The following PLXNA4 variants were observed in gnomAD, a reference collection of about 807,000 sequenced individuals.
The protein encoded by PLXNA4 is plexin-A4.
A neutral mutation model predicts 191.8 loss-of-function variants in PLXNA4; 44 were observed. That is an observed-to-expected ratio of 0.23 (90% CI 0.18 to 0.29). The LOEUF is 0.29. Among genes scored for constraint, PLXNA4 ranks in the 10% least tolerant of loss-of-function variants. The pLI is 1.00. For missense variants in PLXNA4, 1,800 were observed against 2,488.8 expected (o/e 0.72, Z 5.89); for synonymous variants, 1,082 against 1,009.5 (o/e 1.07, Z -1.36).
At position 132,317,540 on chromosome 7, in the gene PLXNA4, G is replaced by T. The variant is rs184069740; in HGVS notation, c.1372-19318C>A. On this transcript the variant is annotated intron_variant, in intron 3 of 31. Coordinates refer to ENST00000321063, the MANE Select transcript of PLXNA4 (RefSeq NM_020911.2). ...GAATTGGATTGGGTTGCATTGGATG[G>T]GGTTGGATTGGGTTGTGTTATGTTG... Among the ~76,000 whole-genome samples the T allele has an allele frequency of 1.8e-3, 281 of 152,158 alleles. 4 individuals carry two copies. The highest frequency in any genetic ancestry group is 6.7e-3 in the African/African-American group (277 of 41,502).
intron 3 of PLXNA4, among the ~76,000 whole-genome samples, chr7:132,326,958 G>A (rs1315897319): frequency 7.1e-6 from 1 of 141,050 alleles, no homozygotes; most frequent in African/African-American, 2.6e-5. Flanking sequence ...AGGGAAGAAG[G>A]AAAGGAGAAA....
intron 30 of PLXNA4, among the ~76,000 whole-genome samples, chr7:132,134,148 C>T (rs1355467022): frequency 6.6e-6 from 1 of 152,174 alleles, no homozygotes; most frequent in African/African-American, 2.4e-5. Flanking sequence ...TAAGAAAAGG[C>T]ACTCACTCTT....
chr7:132,452,741 G>A (rs1159408343), intron 3 of PLXNA4, among the ~76,000 whole-genome samples: 1 of 152,172 alleles, frequency 6.6e-6, no homozygotes, highest in African/African-American at 2.4e-5. Flanking sequence ...GATGGGGTTG[G>A]ACATGAGCAT....
intron 3 of PLXNA4, among the ~76,000 whole-genome samples, chr7:132,334,943 G>C (rs1413237462): frequency 6.6e-6 from 1 of 152,160 alleles, no homozygotes; most frequent in Non-Finnish European, 1.5e-5. Context: ...CAATTACCCA[G>C]AATGTCAGCA....
At chr7:132,343,286 C>T (rs377585639) in intron 3 of PLXNA4, among the ~76,000 whole-genome samples, 11 of 152,036 alleles carry the variant, frequency 7.2e-5, no homozygotes, top group Non-Finnish European at 7.4e-5. Flanking sequence ...AATGTGTGGC[C>T]GAGCAGTGTT....
At chr7:132,552,925 C>T (rs575421660) in intron 1 of PLXNA4, among the ~76,000 whole-genome samples, 5 of 152,292 alleles carry the variant, frequency 3.3e-5, no homozygotes, top group Admixed American at 3.3e-4. Context: ...CTGCCCATTA[C>T]AAGCCCTCTT....
chr7:132,317,206 G>A (rs2116616156), intron 3 of PLXNA4, among the ~76,000 whole-genome samples: 1 of 152,056 alleles, frequency 6.6e-6, no homozygotes, highest in East Asian at 1.9e-4. Flanking sequence ...GGATTGGGTT[G>A]TGTTGGGTTG....
chr7:132,259,440 A>AAAAAAAT (rs1799547545), intron 4 of PLXNA4, among the ~76,000 whole-genome samples: 2 of 26,348 alleles, frequency 7.6e-5, no homozygotes, highest in Non-Finnish European at 1.2e-4. Flanking sequence ...CCAACTCAAA[A>AAAAAAAT]AAAAAAAAAA....
At position 132,174,888 on chromosome 7, in the gene PLXNA4, G is replaced by A. The variant is rs1218906713; in HGVS notation, c.3907C>T (p.Leu1303=). Residue 1303 remains leucine (L), a synonymous_variant, in exon 21 of 32, where the codon CTG becomes TTG. Transcript: ENST00000321063. ...CCGGCTCCATCCAGGTCACTGGTCA[G>A]CTCATGGATGTCCGTCTGCAGCTCG... ...FAELQTDIHE[L]TSDLDGAGIP... 6.2e-7 allele frequency: 1 copy of A among 1,614,196 alleles called. No homozygotes were observed. Among genetic ancestry groups the A allele is most frequent in the Admixed American group, 1.7e-5 (1 of 60,028 alleles).
At position 132,576,412 on chromosome 7, in the gene PLXNA4, G is replaced by A. The variant is rs1340838372; in HGVS notation, c.-87+10C>T. The A allele has an allele frequency of 1.0e-6, 1 of 985,664 alleles. No homozygotes were observed. Among genetic ancestry groups the A allele is most frequent in the Non-Finnish European group, 1.2e-6 (1 of 830,014 alleles). 61.1% of individuals were successfully genotyped at this position (985,664 alleles called of 1,614,324 possible). A position where few individuals can be genotyped will look rare whatever the true frequency, so the allele number is the denominator to read the frequency against. On this transcript the variant is annotated intron_variant, in intron 1 of 31. Coordinates refer to ENST00000321063, the MANE Select transcript of PLXNA4 (RefSeq NM_020911.2). The surrounding 1 kb of genome is among the most constrained non-coding windows in gnomAD (Gnocchi z 5.8). ...GCCCGGCCCCACTCCCCGGCGGGCC[G>A]GCTCCTTACCTGGACGCGCCGCGTT...
chr7:132,328,163 G>A (rs917667648), intron 3 of PLXNA4, among the ~76,000 whole-genome samples: 7 of 152,124 alleles, frequency 4.6e-5, no homozygotes, highest in African/African-American at 7.2e-5. Context: ...TCACTGGGTC[G>A]GGCGGGCGCT....
intron 3 of PLXNA4, among the ~76,000 whole-genome samples, chr7:132,420,785 C>T (rs984589581): frequency 3.3e-5 from 5 of 152,100 alleles, no homozygotes; most frequent in Non-Finnish European, 5.9e-5. Context: ...CTGCTGTTCT[C>T]GTGACAGTGA....
At chr7:132,211,671 A>C (rs1339502595) in intron 9 of PLXNA4, among the ~76,000 whole-genome samples, 1 of 152,184 alleles carries the variant, frequency 6.6e-6, no homozygotes, top group East Asian at 1.9e-4. Context: ...CTGATGTTTG[A>C]GAATGTTCTG....
intron 5 of PLXNA4, among the ~76,000 whole-genome samples, chr7:132,235,220 T>C (rs1018505112): frequency 2.1e-4 from 32 of 152,310 alleles, no homozygotes; most frequent in African/African-American, 7.5e-4. Flanking sequence ...TCGAGGCCCT[T>C]TGGGCCACTT....
Position 132,159,555 on chromosome 7 carries a change from A to G in PLXNA4, c.4578T>C (p.Thr1526=). Residue 1526 remains threonine, a synonymous_variant, in exon 25 of 32, where the codon ACT becomes ACC. Coordinates refer to ENST00000321063, the MANE Select transcript of PLXNA4 (RefSeq NM_020911.2). ...CATCCAGAATCTTCTCCTTGACCTG[A>G]GTGATGGTGTCACAGTTGAGGATCT... ...PVKILNCDTI[T]QVKEKILDAI... is the part of the protein sequence containing the mutation. 1 of 1,614,000 alleles carries G rather than the reference A, an allele frequency of 6.2e-7. No individual in the cohort carries two copies. The highest frequency in any genetic ancestry group is 1.1e-5 in the South Asian group (1 of 91,068).
chr7:132,510,091 G>A (rs1236179250), intron 1 of PLXNA4, among the ~76,000 whole-genome samples: 1 of 152,214 alleles, frequency 6.6e-6, no homozygotes, highest in African/African-American at 2.4e-5. Flanking sequence ...CTTCCTGCAT[G>A]TGTTCCCATT....
At chr7:132,357,819 G>T (rs1585031507) in intron 3 of PLXNA4, among the ~76,000 whole-genome samples, 1 of 152,186 alleles carries the variant, frequency 6.6e-6, no homozygotes, top group African/African-American at 2.4e-5. Context: ...TGTTTTTATA[G>T]ATTTGTGCGT....
intron 3 of PLXNA4, among the ~76,000 whole-genome samples, chr7:132,374,171 C>A (rs897655017): frequency 4.6e-5 from 7 of 152,192 alleles, no homozygotes; most frequent in African/African-American, 1.7e-4. Context: ...AAAAGTGGAC[C>A]AAAGGAGTAA....
intron 3 of PLXNA4, among the ~76,000 whole-genome samples, chr7:132,409,665 C>T (rs1280084072): frequency 1.3e-5 from 2 of 152,194 alleles, no homozygotes; most frequent in Non-Finnish European, 2.9e-5. Context: ...GACTGTATCT[C>T]TCCCCTGGAC....
Sources: allele counts gnomAD v4.1 joint callset (sites outside exome capture counted in the v4.1 genomes callset), GRCh38; gene constraint gnomAD v4.1.1; non-coding constraint Gnocchi (gnomAD v3.1); transcripts MANE v1.5; gene names NCBI Gene and HGNC (gene_info 2026-07-23, HGNC 2026-07-21).